Variants in MAGI2 observed in about 807,000 individuals in gnomAD.
MAGI2 encodes membrane-associated guanylate kinase, WW and PDZ domain-containing protein 2.
Under a neutral mutation model 133.3 loss-of-function variants are expected in MAGI2, and 35 were observed. That is an observed-to-expected ratio of 0.26 (90% confidence interval 0.20 to 0.35). The LOEUF (loss-of-function observed/expected upper bound fraction) is 0.35, where lower values mean the gene tolerates loss of function less well. MAGI2 is among the 10% of genes least tolerant of loss of function. The pLI, the probability that MAGI2 is intolerant of heterozygous loss-of-function variation, is 1.00. For missense variants in MAGI2, 1,636 were observed against 1,863.4 expected, an observed-to-expected ratio of 0.88 and a Z score of 2.25; for synonymous variants, 729 against 710.6, an observed-to-expected ratio of 1.03 and a Z score of -0.41.
intron 9 of MAGI2, among the ~76,000 whole-genome samples, chr7:78,282,327 A>G (rs1795696182): frequency 6.6e-6 from 1 of 152,128 alleles, no homozygotes; most frequent in Non-Finnish European, 1.5e-5. Context: ...TGTCTTGCCA[A>G]GACTTTCTCT....
chr7:78,240,938 AG>A (rs1377373828), intron 10 of MAGI2, among the ~76,000 whole-genome samples: 1 of 152,148 alleles, frequency 6.6e-6, no homozygotes, highest in African/African-American at 2.4e-5. Flanking sequence ...TGGAAAAAAA[AG>A]AACTGTCTTC....
intron 6 of MAGI2, among the ~76,000 whole-genome samples, chr7:78,416,935 A>G (rs1798357947): frequency 6.6e-6 from 1 of 152,266 alleles, no homozygotes; most frequent in East Asian, 1.9e-4. Context: ...GAACTGTGAG[A>G]AATAAATTTC....
At chr7:79,369,162 A>G (rs950271597) in intron 1 of MAGI2, among the ~76,000 whole-genome samples, 3 of 152,194 alleles carry the variant, frequency 2.0e-5, no homozygotes, top group Non-Finnish European at 4.4e-5. Flanking sequence ...AAAGGGCTTG[A>G]GAGCAGGCTT....
rs41341445 is a variant in MAGI2, at chr7:79,393,871, A to T, written c.301+59149T>A. On this transcript the variant is annotated intron_variant, in intron 1 of 21. Transcript: ENST00000354212. ...AAAATGACCCAGATGTCCAAAATAC[A>T]ACTTTTAGGCTCCGCTCTGCTTAAA... Among the ~76,000 whole-genome samples the T allele has an allele frequency of 7.1e-3, 1,076 of 152,334 alleles. 13 individuals carry two copies. Among genetic ancestry groups the T allele is most frequent in the African/African-American group, 0.024 (980 of 41,562 alleles).
intron 3 of MAGI2, among the ~76,000 whole-genome samples, chr7:78,598,011 C>G (rs1804801153): frequency 1.3e-5 from 2 of 152,156 alleles, no homozygotes. Flanking sequence ...ATTCTAAAAA[C>G]TGCCTCTGAA....
chr7:78,070,472 GTA>G (rs1226244391), intron 21 of MAGI2, among the ~76,000 whole-genome samples: 211 of 146,220 alleles, frequency 1.4e-3, no homozygotes, highest in Middle Eastern at 0.011. Flanking sequence ...ATATATGTGT[GTA>G]TATATATGTG....
At chr7:78,241,477 G>C (rs1791131591) in intron 10 of MAGI2, among the ~76,000 whole-genome samples, 1 of 152,062 alleles carries the variant, frequency 6.6e-6, no homozygotes, top group Admixed American at 6.6e-5. Context: ...TCACATTTGG[G>C]GGGCCCCCAA....
chr7:78,505,833 A>G (rs73703435), intron 4 of MAGI2, among the ~76,000 whole-genome samples: 4,895 of 152,132 alleles, frequency 0.032, 245 homozygotes, highest in African/African-American at 0.11. Flanking sequence ...GTCAGGGAAA[A>G]CCTCTTTTTC....
At chr7:79,036,626 T>C (rs970643725) in intron 1 of MAGI2, among the ~76,000 whole-genome samples, 3 of 151,904 alleles carry the variant, frequency 2.0e-5, no homozygotes, top group African/African-American at 4.8e-5. Flanking sequence ...ACAAACTCTG[T>C]GGGAGATTTG....
At chr7:78,835,443 G>A (rs982605446) in intron 2 of MAGI2, among the ~76,000 whole-genome samples, 4 of 152,252 alleles carry the variant, frequency 2.6e-5, no homozygotes, top group South Asian at 2.1e-4. Context: ...AAATAAATTT[G>A]ATCTTATATA....
intron 2 of MAGI2, among the ~76,000 whole-genome samples, chr7:78,672,512 G>A (rs1247661236): frequency 6.6e-6 from 1 of 152,162 alleles, no homozygotes; most frequent in Non-Finnish European, 1.5e-5. Flanking sequence ...GCATGCTCTT[G>A]TTCTCTGGAT....
chr7:79,136,040 AGAAAGAAGGAAAGAAAGAAAGAAAGAAG>A (rs1562929033), intron 1 of MAGI2, among the ~76,000 whole-genome samples: 12 of 139,384 alleles, frequency 8.6e-5, no homozygotes, highest in African/African-American at 3.6e-4. Context: ...AAAGAAAGAA[AGAAAGAAGGAAAGAAAGAAAGAAAGAAG>A]GAAAGAAAGA....
intron 2 of MAGI2, among the ~76,000 whole-genome samples, chr7:78,833,307 T>C (rs1047768746): frequency 2.6e-5 from 4 of 152,132 alleles, no homozygotes; most frequent in Non-Finnish European, 5.9e-5. Flanking sequence ...TCTCACCTCA[T>C]AATCAAATGA....
chr7:78,402,273 AC>A (rs1796947970), intron 6 of MAGI2, among the ~76,000 whole-genome samples: 1 of 143,320 alleles, frequency 7.0e-6, no homozygotes, highest in Non-Finnish European at 1.5e-5. Flanking sequence ...GTGTGTGTCC[AC>A]CTGGGATGTG....
chr7:78,169,273 C>T (rs1187723532), intron 14 of MAGI2, among the ~76,000 whole-genome samples: 1 of 152,192 alleles, frequency 6.6e-6, no homozygotes, highest in Non-Finnish European at 1.5e-5. Flanking sequence ...ACCAATAGGT[C>T]CCCCTTTTCT....
intron 5 of MAGI2, among the ~76,000 whole-genome samples, chr7:78,497,621 T>G (rs1255963873): frequency 1.3e-5 from 2 of 152,202 alleles, no homozygotes; most frequent in Admixed American, 1.3e-4. Flanking sequence ...ATGGAATTGC[T>G]TGTTACCTTA....
In MAGI2 at chr7:78,861,574, G is replaced by A. The variant is rs149542072; in HGVS notation, c.418+145516C>T. ...TTGATACACACCAATTAATATCTAA[G>A]TATCTGGCTTCCAATCCTCCACCTA... On this transcript the variant is annotated intron_variant, in intron 2 of 21. Transcript: ENST00000354212. Among the ~76,000 whole-genome samples, 148 of 152,246 alleles carry A rather than the reference G, an allele frequency of 9.7e-4. 1 individual carries two copies. Among genetic ancestry groups the A allele is most frequent in the Non-Finnish European group, 1.7e-3 (117 of 68,032 alleles).
chr7:79,446,251 G>T (rs572297402), intron 1 of MAGI2, among the ~76,000 whole-genome samples: 1 of 152,210 alleles, frequency 6.6e-6, no homozygotes, highest in African/African-American at 2.4e-5. Flanking sequence ...CACCAGCATA[G>T]CACATGTATA....
At chr7:78,415,447 AT>A (rs1463929175) in intron 6 of MAGI2, among the ~76,000 whole-genome samples, 3 of 152,260 alleles carry the variant, frequency 2.0e-5, no homozygotes, top group African/African-American at 7.2e-5. Flanking sequence ...AAATAGAGAG[AT>A]TTTAAGAACA....
Sources: gnomAD v4.1 joint callset for allele counts (sites outside exome capture counted in the v4.1 genomes callset) on GRCh38, gnomAD v4.1.1 for gene constraint, MANE v1.5 for transcripts, NCBI Gene and HGNC (gene_info 2026-07-23, HGNC 2026-07-21) for gene names.